Variants in AHNAK observed in about 807,000 individuals in gnomAD.
AHNAK encodes the protein neuroblast differentiation-associated protein AHNAK.
AHNAK carries 23 observed loss-of-function variants against 37.8 expected under a neutral mutation model. The observed-to-expected ratio is 0.61, with a 90% CI of 0.44 to 0.86. The LOEUF (loss-of-function observed/expected upper bound fraction) is 0.86. Among genes scored for constraint, AHNAK ranks in the 40% least tolerant of loss-of-function variants. The pLI is 0.00. For synonymous variants in AHNAK, 2,481 were observed against 2,636.3 expected (o/e 0.94, Z 1.80); for missense variants, 7,411 against 7,319.4 (o/e 1.01, Z -0.46).
Position 62,532,834 on chromosome 11 carries a change from T to A in AHNAK, c.1583A>T (p.Asp528Val). The part of the protein sequence containing the change: ...IKVSAPGVQG[D>V]VKGPQVALKG... ...AAGTGCCACTTGAGGGCCTTTAACA[T>A]CACCTTGCACCCCAGGAGCAGAAAC... The change falls in exon 5 of 5, where the codon GAT becomes GTT. Residue 528 changes from aspartate (D) to valine (V), a missense_variant. Coordinates refer to ENST00000378024, the MANE Select transcript of AHNAK (RefSeq NM_001620.3). 1 of 1,614,068 alleles carries A rather than the reference T, an allele frequency of 6.2e-7. No individual in the cohort carries two copies. Among genetic ancestry groups the A allele is most frequent in the Non-Finnish European group, 8.5e-7 (1 of 1,179,968 alleles).
At chr11:62,498,473 T>G (rs1452826521) in intron 4 of AHNAK, among the ~76,000 whole-genome samples, 1 of 148,130 alleles carries the variant, frequency 6.8e-6, no homozygotes, top group African/African-American at 2.5e-5. Context: ...AATTGAATCT[T>G]TGGGGCCAGA....
At chr11:62,480,719 C>T (rs953410108) in intron 5 of AHNAK, among the ~76,000 whole-genome samples, 39 of 149,634 alleles carry the variant, frequency 2.6e-4, no homozygotes, top group African/African-American at 8.7e-4. Context: ...CTCAGTGGTC[C>T]TGGACTCTGA....
rs1296769571 is a variant in AHNAK at position 62,438,394 on chromosome 11, G to A, written c.443-4503C>T. ...GACAGGGTTTCACCGTGTTTATCAG[G>A]CTGGTCTCGAACTCCTGACAGGTGA... On this transcript the variant is annotated intron_variant, in intron 5 of 5. Transcript: ENST00000257247. Among the ~76,000 whole-genome samples the A allele has an allele frequency of 3.3e-5, 5 of 152,054 alleles. No individual in the cohort carries two copies. The East Asian group carries it at 5.8e-4, about 18-fold the overall frequency.
chr11:62,504,624 G>A lies in AHNAK; in HGVS notation c.343-12793C>T, dbSNP rs887028067. 9.2e-5 allele frequency among the ~76,000 whole-genome samples: 14 copies of A among 151,782 alleles called. No individual in the cohort carries two copies. In the South Asian group the frequency reaches 2.5e-3, roughly 27 times the overall value. ...GGACAGAGGCGTGGTTGGCAGCCAC[G>A]CGCCCTTGAGGAGACCACACACCTA... On this transcript the variant is annotated intron_variant, in intron 4 of 5. Coordinates refer to the AHNAK transcript ENST00000257247.
intron 4 of AHNAK, among the ~76,000 whole-genome samples, chr11:62,500,506 C>A (rs1939693103): frequency 6.6e-6 from 1 of 152,160 alleles, no homozygotes; most frequent in African/African-American, 2.4e-5. Flanking sequence ...TGAACCTGTT[C>A]CTCCCAAACC....
intron 4 of AHNAK, among the ~76,000 whole-genome samples, chr11:62,505,835 C>G (rs1477300444): frequency 1.3e-5 from 2 of 151,314 alleles, no homozygotes; most frequent in African/African-American, 2.4e-5. Flanking sequence ...CTCGTTTCCC[C>G]CCTTAGTTTT....
Position 62,519,337 on chromosome 11 carries a change from T to C in AHNAK, c.15080A>G (p.Lys5027Arg). Residue 5027 changes from lysine to arginine, a missense_variant, in exon 5 of 5, where the codon AAA (lysine) becomes AGA (arginine). Coordinates refer to ENST00000378024, the MANE Select transcript of AHNAK (RefSeq NM_001620.3). ...AATCTTAGGACCACTCATATGAATT[T>C]TAGGCATTTTAAACTTACTTTTCTT... ...KGKKSKFKMPKIHMSGPKIKA... is the reference protein window; with the variant it reads ...KGKKSKFKMPRIHMSGPKIKA... 6.2e-7 allele frequency: 1 copy of C among 1,614,164 alleles called. No homozygotes were observed. Among genetic ancestry groups the C allele is most frequent in the Non-Finnish European group, 8.5e-7 (1 of 1,180,028 alleles).
chr11:62,516,477 CA>C lies in AHNAK; in HGVS notation c.*266del. 2 of 1,328,254 alleles carry C rather than the reference CA, an allele frequency of 1.5e-6. No individual in the cohort carries two copies. The highest frequency in any genetic ancestry group is 3.3e-5 in the East Asian group (1 of 30,308). The allele number at this position is 1,328,254 out of a possible 1,614,324, so 82.3% of individuals were successfully genotyped here. ...AAACAGGAGCTCTCAGCAGTCAATG[CA>C]AAAAAATATATATATATGAAATCTT... is the stretch of plus-strand genomic sequence containing the variant. On this transcript the variant is annotated 3_prime_UTR_variant, in exon 5 of 5. Transcript: ENST00000378024.
chr11:62,458,556 A>G (rs1938717551), intron 5 of AHNAK, among the ~76,000 whole-genome samples: 1 of 152,174 alleles, frequency 6.6e-6, no homozygotes, highest in African/African-American at 2.4e-5. Context: ...CTTTGTAAGT[A>G]CTAAATTACT....
Position 62,526,287 on chromosome 11 carries a change from A to C in AHNAK, c.8130T>G (p.Pro2710=). The C allele has an allele frequency of 1.2e-6, 2 of 1,613,358 alleles. No homozygotes were observed. The highest frequency in any genetic ancestry group is 1.7e-6 in the Non-Finnish European group (2 of 1,179,854). The change falls in exon 5 of 5, where the codon CCT becomes CCG. Residue 2710 remains proline (P), a synonymous_variant. Coordinates refer to ENST00000378024, the MANE Select transcript of AHNAK (RefSeq NM_001620.3). ...GTCCTTTCAGGTTTAAGTCAATATC[A>C]GGCATGGAGATCTTGGGGGCTTTGA... ...MNIKAPKISM[P]DIDLNLKGPK... is the part of the protein sequence containing the mutation.
rs1486217633 is a variant in AHNAK at position 62,528,611 on chromosome 11, C to T, written c.5806G>A (p.Val1936Ile). The change falls in exon 5 of 5, where the codon GTC (valine) becomes ATC (isoleucine). Residue 1936 changes from valine (V) to isoleucine (I), a missense_variant. Physicochemically the swap from Val to Ile is conservative, Grantham distance 29. Transcript: ENST00000378024. ...DVDLHLKGPK[V>I]KGDVDVSVPK... is the part of the protein sequence containing the mutation. ...ACCGACACATCCACATCCCCTTTGA[C>T]TTTGGGGCCTTTCAAGTGTAAGTCC... The T allele has an allele frequency of 2.5e-6, 4 of 1,610,456 alleles. No homozygotes were observed. The highest frequency in any genetic ancestry group is 3.4e-6 in the Non-Finnish European group (4 of 1,179,290).
At chr11:62,490,253 G>T (rs1372450152) in intron 5 of AHNAK, among the ~76,000 whole-genome samples, 1 of 140,748 alleles carries the variant, frequency 7.1e-6, no homozygotes, top group African/African-American at 2.7e-5. Context: ...CCAGGCTAGA[G>T]TGCAGTGGCC....
Position 62,523,150 on chromosome 11 carries a change from C to T in AHNAK, c.11267G>A (p.Gly3756Asp). ...ATCCACATCGCCCTTGACTTTGGGG[C>T]CCTTCAGGTTTAAATCAATGTCAGG... ...SMPDIDLNLK[G>D]PKVKGDVDVS... The change falls in exon 5 of 5, where the codon GGC (glycine) becomes GAC (aspartate). Residue 3756 changes from glycine (G) to aspartate (D), a missense_variant. By Grantham distance (94) the Gly-to-Asp change is moderately conservative. Transcript: ENST00000378024. 1 of 1,614,038 alleles carries T rather than the reference C, an allele frequency of 6.2e-7. No homozygotes were observed. The highest frequency in any genetic ancestry group is 8.5e-7 in the Non-Finnish European group (1 of 1,179,998).
At chr11:62,493,791 C>T (rs940627655) in intron 4 of AHNAK, among the ~76,000 whole-genome samples, 4 of 151,992 alleles carry the variant, frequency 2.6e-5, no homozygotes, top group Non-Finnish European at 5.9e-5. Flanking sequence ...ATTTCTTATT[C>T]ATCCTTCCTT....
At position 62,517,290 on chromosome 11, in the gene AHNAK, C is replaced by CT. The variant is rs1347664635; in HGVS notation, c.17126dup (p.Ser5710ValfsTer9). The CT allele has an allele frequency of 6.2e-7, 1 of 1,614,128 alleles. No homozygotes were observed. ...TAAACTTGGGCATTTTGATCTTGGA[C>CT]TTTTTCAGTTTGACTTCAGACTCTT... On this transcript the variant is annotated frameshift_variant, in exon 5 of 5. Coordinates refer to ENST00000378024, the MANE Select transcript of AHNAK (RefSeq NM_001620.3). LOFTEE classifies it high-confidence loss of function.
At chr11:62,455,996 G>A (rs575849696) in intron 5 of AHNAK, among the ~76,000 whole-genome samples, 51 of 151,998 alleles carry the variant, frequency 3.4e-4, no homozygotes, top group Non-Finnish European at 4.6e-4. Flanking sequence ...CCAAGATCAC[G>A]CCACTGCACT....
In AHNAK at chr11:62,521,735, C is replaced by T. The variant is rs146104866; in HGVS notation, c.12682G>A (p.Val4228Ile). The change falls in exon 5 of 5, where the codon GTT becomes ATT. Residue 4228 changes from valine (V) to isoleucine (I), a missense_variant. Physicochemically the swap from Val to Ile is conservative, Grantham distance 29 (BLOSUM62 3). Transcript: ENST00000378024. ...GGACCTTCGATATTCACATCAGGAA[C>T]ATCAATGTCCACCTTGGGTCCTGAG... ...DVSGPKVDIDVPDVNIEGPDA... is the reference protein window; with the variant it reads ...DVSGPKVDIDIPDVNIEGPDA... 1.5e-5 allele frequency: 24 copies of T among 1,613,772 alleles called. No individual in the cohort carries two copies. The African/African-American group carries it at 2.9e-4, about 20-fold the overall frequency.
At chr11:62,444,549 G>A (rs2513065) in intron 5 of AHNAK, among the ~76,000 whole-genome samples, 5,223 of 152,340 alleles carry the variant, frequency 0.034, 289 homozygotes, top group African/African-American at 0.12. Flanking sequence ...TCGCCCTCCA[G>A]GATGTCCGCG....
At chr11:62,483,960 C>T (rs1290808333) in intron 5 of AHNAK, among the ~76,000 whole-genome samples, 2 of 149,748 alleles carry the variant, frequency 1.3e-5, no homozygotes, top group Admixed American at 1.4e-4. Flanking sequence ...TGGTGTGAAC[C>T]CAGGAGGTGG....
Sources: allele counts gnomAD v4.1 joint callset (sites outside exome capture counted in the v4.1 genomes callset), GRCh38; gene constraint gnomAD v4.1.1; transcripts MANE v1.5; gene names NCBI Gene and HGNC (gene_info 2026-07-23, HGNC 2026-07-21).